Variants in SYCP2 observed in about 807,000 individuals in gnomAD.
SYCP2 encodes synaptonemal complex protein 2, also known as synaptonemal complex lateral element protein.
SYCP2 carries 55 observed loss-of-function variants against 211.3 expected under a neutral mutation model. That is an observed-to-expected ratio of 0.26 (90% CI 0.21 to 0.33). The LOEUF (loss-of-function observed/expected upper bound fraction) is 0.33. Among genes scored for constraint, SYCP2 ranks in the 10% least tolerant of loss-of-function variants. SYCP2 has a pLI of 1.00. For synonymous variants in SYCP2, 570 were observed against 555.2 expected, an observed-to-expected ratio of 1.03 and a Z score of -0.37; for missense variants, 1,731 against 1,752.0, an observed-to-expected ratio of 0.99 and a Z score of 0.21.
At chr20:59,874,215 G>C (rs2059510631) in intron 34 of SYCP2, among the ~76,000 whole-genome samples, 154 bp from the exon 35 acceptor site, 1 of 152,024 alleles carries the variant, frequency 6.6e-6, no homozygotes, top group Non-Finnish European at 1.5e-5. Flanking sequence ...TTAAGACCAA[G>C]TTATATTTAA....
At chr20:59,895,707 G>T in intron 19 of SYCP2, 110 bp from the exon 20 acceptor site, 1 of 1,281,226 alleles carries the variant, frequency 7.8e-7, no homozygotes. Flanking sequence ...ATGGTTCCCA[G>T]GTTTCTGGCT....
At chr20:59,877,313 CA>C in intron 33 of SYCP2, 71 bp downstream of exon 33, 2 of 1,042,144 alleles carry the variant, frequency 1.9e-6, no homozygotes, top group Non-Finnish European at 2.6e-6. Flanking sequence ...ATAAATTTGA[CA>C]TTTTTTACAA....
At chr20:59,895,019 T>C (rs1337391906) in intron 20 of SYCP2, among the ~76,000 whole-genome samples, 2 of 152,090 alleles carry the variant, frequency 1.3e-5, no homozygotes, top group African/African-American at 4.8e-5. Context: ...TGGTTCCTAC[T>C]GCATCCTATA....
At chr20:59,928,585 C>A (rs1340980642) in intron 2 of SYCP2, among the ~76,000 whole-genome samples, 1 of 151,982 alleles carries the variant, frequency 6.6e-6, no homozygotes, top group Non-Finnish European at 1.5e-5. Flanking sequence ...TACAAAGTCA[C>A]AAGAAATAAC....
At position 59,867,788 on chromosome 20, in the gene SYCP2, G is replaced by T. The variant is rs1292236161; in HGVS notation, c.4048C>A (p.Gln1350Lys). ...ATCTCTATCCCTGCAAATTCATTTT[G>T]CCAGGTCTCCCAAGGAATAGAAAAG... ...NDFSIPWETWQNEFAGIEMTY... is the reference protein window; with the variant it reads ...NDFSIPWETWKNEFAGIEMTY... The change falls in exon 39 of 45, where the codon CAA (glutamine) becomes AAA (lysine). Residue 1350 changes from glutamine (Q) to lysine (K), a missense_variant. Gln to Lys is a moderately conservative substitution (Grantham distance 53). Transcript: ENST00000357552. The T allele has an allele frequency of 1.2e-6, 2 of 1,609,280 alleles. No individual in the cohort carries two copies. Among genetic ancestry groups the T allele is most frequent in the East Asian group, 2.2e-5 (1 of 44,666 alleles).
chr20:59,878,837 A>G (rs1469917199), intron 31 of SYCP2, among the ~76,000 whole-genome samples: 1 of 152,062 alleles, frequency 6.6e-6, no homozygotes, highest in East Asian at 1.9e-4. Context: ...GCATAATGTT[A>G]TCTTTCCAAA....
At chr20:59,865,961 C>A in intron 41 of SYCP2, 96 bp from the exon 42 acceptor site, 2 of 515,546 alleles carry the variant, frequency 3.9e-6, no homozygotes, top group South Asian at 4.9e-5. Context: ...TAAAATCCAA[C>A]AGTAGAATTA....
At chr20:59,866,448 G>T in intron 40 of SYCP2, 47 bp downstream of exon 40, 1 of 1,558,036 alleles carries the variant, frequency 6.4e-7, no homozygotes, top group Non-Finnish European at 8.8e-7. Context: ...CAGAATATAG[G>T]AATATGTAGC....
intron 31 of SYCP2, among the ~76,000 whole-genome samples, chr20:59,879,827 ATAT>A (rs2059635435): frequency 0.011 from 63 of 5,718 alleles, no homozygotes; most frequent in East Asian, 0.1. Context: ...AAATAAATAT[ATAT>A]ATATATATAT....
At chr20:59,927,315 C>G (rs1433766654) in intron 2 of SYCP2, among the ~76,000 whole-genome samples, 1 of 152,106 alleles carries the variant, frequency 6.6e-6, no homozygotes, top group Non-Finnish European at 1.5e-5. Flanking sequence ...TCTTTACATT[C>G]AAATTTGTTG....
At chr20:59,902,330 C>A (rs1231306871) in intron 15 of SYCP2, among the ~76,000 whole-genome samples, 1 of 152,050 alleles carries the variant, frequency 6.6e-6, no homozygotes, top group Non-Finnish European at 1.5e-5. Flanking sequence ...ACTTACCAAT[C>A]CAGTAAACAG....
intron 2 of SYCP2, among the ~76,000 whole-genome samples, chr20:59,926,044 C>T (rs989937664): frequency 6.6e-6 from 1 of 152,004 alleles, no homozygotes; most frequent in African/African-American, 2.4e-5. Flanking sequence ...ACAAAAGCAG[C>T]TTCCATTCAG....
Position 59,893,172 on chromosome 20 carries a change from G to C in SYCP2, c.1763C>G (p.Ser588Ter). Residue 588 changes from serine (S) to a stop codon, truncating the protein, a stop_gained, in exon 22 of 45, where the codon TCA becomes TGA. Coordinates refer to ENST00000357552, the MANE Select transcript of SYCP2 (RefSeq NM_014258.4). LOFTEE classifies it high-confidence loss of function. ...FSELQDVIPD[S>*]QAAEKRDHTI... ...ATGATCTCTTTTTTCCGCTGCCTGT[G>C]AATCTGGTATAACATCCTGGAGTTC... The C allele has an allele frequency of 6.2e-7, 1 of 1,603,676 alleles. No individual in the cohort carries two copies. Among genetic ancestry groups the C allele is most frequent in the Non-Finnish European group, 8.5e-7 (1 of 1,174,412 alleles).
chr20:59,923,770 G>C (rs2060583989), intron 2 of SYCP2, among the ~76,000 whole-genome samples: 1 of 151,702 alleles, frequency 6.6e-6, no homozygotes, highest in South Asian at 2.1e-4. Flanking sequence ...GAAAGAATAC[G>C]TAACTACTAA....
At chr20:59,875,557 A>G in intron 33 of SYCP2, 88 bp from the exon 34 acceptor site, 1 of 1,024,134 alleles carries the variant, frequency 9.8e-7, no homozygotes, top group Non-Finnish European at 1.4e-6. Flanking sequence ...AATATTTATT[A>G]AATGTTGTAT....
chr20:59,906,584 C>G (rs1345472536), intron 15 of SYCP2, among the ~76,000 whole-genome samples: 2 of 151,984 alleles, frequency 1.3e-5, no homozygotes, highest in Admixed American at 6.5e-5. Context: ...AAAGCTAAAA[C>G]TATAAAATTT....
rs778529614 is a variant in SYCP2, at chr20:59,875,497, T to A, written c.3151-28A>T. ...AAATGTATCAATAACTTTCAAATTA[T>A]ACTCAAGTACAAATATTTACACTTG... On this transcript the variant is annotated intron_variant, in intron 33 of 44. Transcript: ENST00000357552. The A allele has an allele frequency of 6.5e-6, 10 of 1,536,268 alleles. No homozygotes were observed. The African/African-American group carries it at 1.2e-4, about 19-fold the overall frequency.
Position 59,924,549 on chromosome 20 carries a change from C to T in SYCP2, c.-46-2090G>A, listed in dbSNP as rs114318908. ...TCCATAATGTGCTCATTTAACATTG[C>T]GTGCCTGTATCAAAACATCTTACAT... On this transcript the variant is annotated intron_variant, in intron 2 of 44. Coordinates refer to ENST00000357552, the MANE Select transcript of SYCP2 (RefSeq NM_014258.4). Among the ~76,000 whole-genome samples, 567 of 151,978 alleles carry T rather than the reference C, an allele frequency of 3.7e-3. 6 individuals are homozygous for T. The highest frequency in any genetic ancestry group is 0.013 in the African/African-American group (537 of 41,486).
chr20:59,868,735 TTG>T, intron 37 of SYCP2, 98 bp downstream of exon 37: 1 of 1,271,846 alleles, frequency 7.9e-7, no homozygotes, highest in East Asian at 2.5e-5. Context: ...TTACATTAAG[TTG>T]AATAACGGTA....
Sources: allele counts gnomAD v4.1 joint callset (sites outside exome capture counted in the v4.1 genomes callset), GRCh38; gene constraint gnomAD v4.1.1; transcripts MANE v1.5; gene names NCBI Gene and HGNC (gene_info 2026-07-23, HGNC 2026-07-21).